The following ST6GAL2 variants were observed in gnomAD, a reference collection of about 807,000 sequenced individuals.
ST6GAL2 encodes the protein ST6 beta-galactoside alpha-2,6-sialyltransferase 2.
A neutral mutation model predicts 37.5 loss-of-function variants in ST6GAL2; 24 were observed. The observed-to-expected ratio is 0.64, with a 90% CI of 0.46 to 0.90. The LOEUF is 0.90. Among genes scored for constraint, ST6GAL2 ranks in the 40% least tolerant of loss-of-function variants. ST6GAL2 has a pLI of 0.00. For synonymous variants in ST6GAL2, 306 were observed against 295.1 expected, an observed-to-expected ratio of 1.04 and a Z score of -0.38; for missense variants, 715 against 712.7, an observed-to-expected ratio of 1.00 and a Z score of -0.04.
At chr2:106,836,911 T>A in intron 2 of ST6GAL2, among the ~76,000 whole-genome samples, 2 of 121,488 alleles carry the variant, frequency 1.6e-5, no homozygotes, top group East Asian at 2.5e-4. Context: ...ACCATTACAC[T>A]ACAACCTGAG....
intron 1 of ST6GAL2, among the ~76,000 whole-genome samples, chr2:106,862,967 C>T (rs534738571): frequency 2.7e-5 from 4 of 147,932 alleles, no homozygotes; most frequent in African/African-American, 9.9e-5. Flanking sequence ...ATCATGAGTG[C>T]ATTGCTTATA....
intron 1 of ST6GAL2, among the ~76,000 whole-genome samples, chr2:106,873,347 C>A (rs1230818299): frequency 3.3e-5 from 5 of 152,196 alleles, no homozygotes; most frequent in Non-Finnish European, 7.3e-5. Flanking sequence ...TCTTCATGGA[C>A]AACTGATGTT....
At position 106,801,952 on chromosome 2, in the gene ST6GAL2, A is replaced by G. The variant is rs1322582823; in HGVS notation, c.*4726T>C. 1 of 152,122 alleles carries G rather than the reference A, an allele frequency of 6.6e-6. No individual in the cohort carries two copies. The highest frequency in any genetic ancestry group is 1.5e-5 in the Non-Finnish European group (1 of 68,022). The allele number at this position is 152,122 out of a possible 1,614,324, so 9.4% of individuals were successfully genotyped here. On this transcript the variant is annotated 3_prime_UTR_variant, in exon 6 of 6. Coordinates refer to ENST00000409382, the MANE Select transcript of ST6GAL2 (RefSeq NM_001142351.2). The stretch of plus-strand genomic sequence containing the variant: ...TTCCAATCTACCTAGCAAGAAGACT[A>G]TTTTCCATAGAACCAGTAAATGTTT...
chr2:106,826,335 T>G (rs1459741843), intron 5 of ST6GAL2, among the ~76,000 whole-genome samples: 6 of 152,020 alleles, frequency 3.9e-5, no homozygotes, highest in South Asian at 4.2e-4. Flanking sequence ...AAAGTCAGAG[T>G]TGGCACTTCA....
intron 5 of ST6GAL2, among the ~76,000 whole-genome samples, chr2:106,816,359 G>T (rs1675801673): frequency 6.6e-6 from 1 of 152,156 alleles, no homozygotes; most frequent in Non-Finnish European, 1.5e-5. Context: ...TGAATTCCAA[G>T]AAATAATCTT....
At chr2:106,878,503 T>C (rs1409262896) in intron 1 of ST6GAL2, among the ~76,000 whole-genome samples, 1 of 151,994 alleles carries the variant, frequency 6.6e-6, no homozygotes, top group Non-Finnish European at 1.5e-5. Context: ...GGCATGTGCC[T>C]GTAATCCCAA....
chr2:106,802,494 A>G lies in ST6GAL2; in HGVS notation c.*4184T>C, dbSNP rs1196628794. 1 of 152,198 alleles carries G rather than the reference A, an allele frequency of 6.6e-6. No homozygotes were observed. The highest frequency in any genetic ancestry group is 1.5e-5 in the Non-Finnish European group (1 of 68,028). The allele number at this position is 152,198 out of a possible 1,614,324, so 9.4% of individuals were successfully genotyped here. ...CATTCATTTAATAAAACAAGAACTT[A>G]CATTTTATTTCCTTGAACGGACAGA... On this transcript the variant is annotated 3_prime_UTR_variant, in exon 6 of 6. Transcript: ENST00000409382.
At chr2:106,879,125 T>G (rs374144737) in intron 1 of ST6GAL2, among the ~76,000 whole-genome samples, 2 of 152,158 alleles carry the variant, frequency 1.3e-5, no homozygotes, top group East Asian at 3.8e-4. Flanking sequence ...CACTTCTGGT[T>G]CTACATCGAA....
intron 1 of ST6GAL2, among the ~76,000 whole-genome samples, chr2:106,846,930 C>A (rs891149774): frequency 6.6e-6 from 1 of 152,128 alleles, no homozygotes; most frequent in African/African-American, 2.4e-5. Context: ...AACTGAGTCC[C>A]AGAGCAATTA....
intron 1 of ST6GAL2, among the ~76,000 whole-genome samples, chr2:106,864,232 G>A (rs984195474): frequency 6.6e-6 from 1 of 152,136 alleles, no homozygotes; most frequent in Non-Finnish European, 1.5e-5. Context: ...CTGCAGCCCT[G>A]GAGACTACAG....
rs146348321 is a variant in ST6GAL2 at position 106,864,952 on chromosome 2, C to G, written c.-57-20918G>C. On this transcript the variant is annotated intron_variant, in intron 1 of 5. Coordinates refer to ENST00000409382, the MANE Select transcript of ST6GAL2 (RefSeq NM_001142351.2). ...CAGGGAGGGGGAGTGGAGGAAGAACCCTGATTGTTAGTGTTTGCCCATTCT... is the reference window on the plus strand; with the variant it reads ...CAGGGAGGGGGAGTGGAGGAAGAACGCTGATTGTTAGTGTTTGCCCATTCT... Among the ~76,000 whole-genome samples the G allele has an allele frequency of 4.4e-3, 672 of 152,062 alleles. 1 individual carries two copies. Among genetic ancestry groups the G allele is most frequent in the Non-Finnish European group, 7.4e-3 (500 of 67,980 alleles).
intron 1 of ST6GAL2, among the ~76,000 whole-genome samples, chr2:106,852,495 A>G (rs1489296144): frequency 6.6e-6 from 1 of 152,228 alleles, no homozygotes; most frequent in African/African-American, 2.4e-5. Context: ...GGATGCCTGT[A>G]AGGTTCCCGA....
At chr2:106,825,361 T>C (rs935501560) in intron 5 of ST6GAL2, among the ~76,000 whole-genome samples, 5 of 152,232 alleles carry the variant, frequency 3.3e-5, no homozygotes, top group Non-Finnish European at 5.9e-5. Flanking sequence ...GTGAGTCATC[T>C]TGGAAACACA....
chr2:106,855,440 G>A (rs1364944816), intron 1 of ST6GAL2, among the ~76,000 whole-genome samples: 2 of 152,128 alleles, frequency 1.3e-5, no homozygotes, highest in Non-Finnish European at 2.9e-5. Context: ...GAACAATAGA[G>A]GCTGCAAAAC....
rs1348263690 is a variant in ST6GAL2, at chr2:106,843,591, G to A, written c.387C>T (p.Asp129=). 6.2e-7 allele frequency: 1 copy of A among 1,614,016 alleles called. No individual in the cohort carries two copies. The highest frequency in any genetic ancestry group is 1.1e-5 in the South Asian group (1 of 91,086). ...GCTGACCAGCAGCAAAAAAGTAGTC[G>A]TCATCCTCCGGGTAGAAAGCACTTT... is the stretch of plus-strand genomic sequence containing the variant. ...KSQSAFYPED[D]DYFFAAGQPG... The change falls in exon 2 of 6, where the codon GAC becomes GAT. Residue 129 remains aspartate, a synonymous_variant. Coordinates refer to ENST00000409382, the MANE Select transcript of ST6GAL2 (RefSeq NM_001142351.2).
At position 106,843,927 on chromosome 2, in the gene ST6GAL2, G is replaced by C. The variant is rs749318938; in HGVS notation, c.51C>G (p.Phe17Leu). The change falls in exon 2 of 6, where the codon TTC (phenylalanine) becomes TTG (leucine). Residue 17 changes from phenylalanine (F) to leucine (L), a missense_variant. Around this residue, in one of 3 missense-constraint regions of ST6GAL2, gnomAD observed 512 missense variants for 488.8 expected, o/e 1.05. Coordinates refer to ENST00000409382, the MANE Select transcript of ST6GAL2 (RefSeq NM_001142351.2). ...TCAGCAAAAAGAGGAGCCCCCAAGC[G>C]AATATTCCGAAAAGCATTCGTTGTC... Reference protein sequence around the residue: ...QWRQRMLFGIFAWGLLFLLIF... With the variant: ...QWRQRMLFGILAWGLLFLLIF... 1 of 1,598,186 alleles carries C rather than the reference G, an allele frequency of 6.3e-7. No homozygotes were observed. Among genetic ancestry groups the C allele is most frequent in the Non-Finnish European group, 8.5e-7 (1 of 1,177,968 alleles).
intron 1 of ST6GAL2, among the ~76,000 whole-genome samples, chr2:106,876,202 T>C (rs1247636133): frequency 6.6e-6 from 1 of 152,214 alleles, no homozygotes; most frequent in East Asian, 1.9e-4. Flanking sequence ...TTTAATAAAC[T>C]GGAATATTTT....
intron 1 of ST6GAL2, among the ~76,000 whole-genome samples, chr2:106,878,234 G>A (rs1326552615): frequency 1.5e-4 from 23 of 152,320 alleles, no homozygotes; most frequent in Non-Finnish European, 5.9e-5. Flanking sequence ...GGGTTGAGGC[G>A]GGAGGATCGC....
chr2:106,885,504 C>T (rs752938553), intron 1 of ST6GAL2, among the ~76,000 whole-genome samples: 4 of 152,106 alleles, frequency 2.6e-5, no homozygotes, highest in Admixed American at 6.5e-5. Flanking sequence ...CTTTGGAAGG[C>T]AGCACTTGCG....
Sources: gnomAD v4.1 joint callset for allele counts (sites outside exome capture counted in the v4.1 genomes callset) on GRCh38, gnomAD v4.1.1 for gene constraint, gnomAD v4.1.1 regional missense constraint, MANE v1.5 for transcripts, NCBI Gene and HGNC (gene_info 2026-07-23, HGNC 2026-07-21) for gene names.